The following LNX2 variants were observed in gnomAD, a reference collection of about 807,000 sequenced individuals.
LNX2 encodes the protein ligand of numb-protein X 2, also known as ligand of Numb protein X 2.
Under a neutral mutation model 66.2 loss-of-function variants are expected in LNX2, and 35 were observed. The observed-to-expected ratio is 0.53, with a 90% confidence interval of 0.40 to 0.70. The LOEUF (loss-of-function observed/expected upper bound fraction) is 0.70, where lower values mean the gene tolerates loss of function less well. Ranked by LOEUF, LNX2 falls within the 30% of genes least tolerant of loss-of-function variation. The probability of loss-of-function intolerance (pLI) is 0.00; values close to 1 mark genes in which losing one functional copy is unlikely to be tolerated. For missense variants in LNX2, 791 were observed against 850.8 expected (o/e 0.93, Z 0.87); for synonymous variants, 337 against 315.6 (o/e 1.07, Z -0.72).
chr13:27,605,493 G>A (rs1300952643), intron 1 of LNX2, among the ~76,000 whole-genome samples: 1 of 152,098 alleles, frequency 6.6e-6, no homozygotes, highest in African/African-American at 2.4e-5. Context: ...GTCCTTTTCC[G>A]CAAGAAGAAA....
chr13:27,577,485 GGAA>G (rs1955352383), intron 2 of LNX2, among the ~76,000 whole-genome samples: 1 of 151,870 alleles, frequency 6.6e-6, no homozygotes, highest in African/African-American at 2.4e-5. Context: ...GGGCCACACG[GGAA>G]GAAGAATAAT....
At position 27,553,447 on chromosome 13, in the gene LNX2, G is replaced by A. The variant is rs1955027624; in HGVS notation, c.1547-8C>T. 7.5e-6 allele frequency: 12 copies of A among 1,606,232 alleles called. No individual in the cohort carries two copies. Among genetic ancestry groups the A allele is most frequent in the Non-Finnish European group, 1.0e-5 (12 of 1,173,000 alleles). On this transcript the variant is annotated splice_polypyrimidine_tract_variant and splice_region_variant and intron_variant, in intron 7 of 9. Coordinates refer to ENST00000316334, the MANE Select transcript of LNX2 (RefSeq NM_153371.4). Reference sequence around the variant, plus strand: ...TATTTAGCAACACATCACCTGTTCAGATGAAGAAACAAGAAAAATGAGCTG... The same window carrying A: ...TATTTAGCAACACATCACCTGTTCAAATGAAGAAACAAGAAAAATGAGCTG...
chr13:27,580,650 CTAAA>C (rs1317810803), intron 2 of LNX2, among the ~76,000 whole-genome samples: 3 of 152,178 alleles, frequency 2.0e-5, no homozygotes, highest in East Asian at 1.9e-4. Context: ...GAAATCCCCA[CTAAA>C]TATTTAGTTT....
In LNX2 at chr13:27,556,259, G is replaced by C; in HGVS notation, c.1523C>G (p.Ala508Gly). The part of the protein sequence containing the change: ...VTSVPPHGCL[A>G]RDGRIKRGDV... ...ACCTCTCTTTATTCTGCCATCTCGT[G>C]CAAGGCAGCCATGGGGTGGCACACT... The change falls in exon 7 of 10, where the codon GCA becomes GGA. Residue 508 changes from alanine (A) to glycine (G), a missense_variant. Physicochemically the swap from Ala to Gly is moderately conservative, Grantham distance 60. Coordinates refer to ENST00000316334, the MANE Select transcript of LNX2 (RefSeq NM_153371.4). 6.2e-7 allele frequency: 1 copy of C among 1,613,888 alleles called. No homozygotes were observed.
intron 2 of LNX2, among the ~76,000 whole-genome samples, chr13:27,578,446 C>G (rs936922526): frequency 6.6e-6 from 1 of 152,172 alleles, no homozygotes; most frequent in Non-Finnish European, 1.5e-5. Context: ...TAACATCATT[C>G]TTCTTGCTAG....
chr13:27,606,865 C>T (rs1955722538), intron 1 of LNX2, among the ~76,000 whole-genome samples: 1 of 152,074 alleles, frequency 6.6e-6, no homozygotes, highest in Non-Finnish European at 1.5e-5. Context: ...AAGATTGGTT[C>T]TTATATACAT....
rs556292543 is a variant in LNX2 at position 27,598,395 on chromosome 13, G to T, written c.-100-16592C>A. ...GGATTTTTGTTATTAAACAAAAGGGGATGAGACCGATGTCACAAAATCATA... is the reference window on the plus strand; with the variant it reads ...GGATTTTTGTTATTAAACAAAAGGGTATGAGACCGATGTCACAAAATCATA... On this transcript the variant is annotated intron_variant, in intron 1 of 9. Transcript: ENST00000316334. Among the ~76,000 whole-genome samples the T allele has an allele frequency of 2.0e-5, 3 of 152,140 alleles. No homozygotes were observed. In the South Asian group the frequency reaches 6.2e-4, roughly 32 times the overall value.
intron 1 of LNX2, among the ~76,000 whole-genome samples, chr13:27,600,689 T>A (rs73446897): frequency 0.022 from 3,387 of 152,290 alleles, 135 homozygotes; most frequent in African/African-American, 0.077. Flanking sequence ...ATTCTCAGGC[T>A]TCATGTGGCA....
upstream of LNX2, chr13:27,620,791 C>T (rs1955897624): frequency 6.5e-6 from 1 of 153,786 alleles, no homozygotes; most frequent in Admixed American, 6.5e-5. Flanking sequence ...GCTGTCCCCG[C>T]CGCCCGCCTG....
intron 2 of LNX2, among the ~76,000 whole-genome samples, chr13:27,573,083 G>A (rs1016676243): frequency 3.3e-5 from 5 of 152,140 alleles, no homozygotes; most frequent in Admixed American, 2.6e-4. Context: ...GAGAACATTT[G>A]TTCAAGAAAA....
chr13:27,601,681 A>T (rs570774604), intron 1 of LNX2, among the ~76,000 whole-genome samples: 17 of 152,228 alleles, frequency 1.1e-4, no homozygotes, highest in South Asian at 2.1e-4. Context: ...TTTCCCAAAA[A>T]TTTTTTAAAA....
At chr13:27,552,844 G>C (rs1313229563) in intron 8 of LNX2, among the ~76,000 whole-genome samples, 1 of 152,200 alleles carries the variant, frequency 6.6e-6, no homozygotes, top group Admixed American at 6.5e-5. Flanking sequence ...CTTCTGGGAT[G>C]GGGGGAAGCC....
intron 1 of LNX2, among the ~76,000 whole-genome samples, chr13:27,619,714 A>G (rs1229475089): frequency 1.3e-5 from 2 of 152,242 alleles, no homozygotes; most frequent in African/African-American, 2.4e-5. Flanking sequence ...ACATGAGTCA[A>G]AAGTCCTTGT....
chr13:27,557,398 C>T (rs973207698), intron 6 of LNX2, among the ~76,000 whole-genome samples: 16 of 151,996 alleles, frequency 1.1e-4, no homozygotes, highest in African/African-American at 3.6e-4. Context: ...TATATTAATA[C>T]AAATAGTATT....
At chr13:27,605,173 C>T (rs973300487) in intron 1 of LNX2, among the ~76,000 whole-genome samples, 2 of 152,036 alleles carry the variant, frequency 1.3e-5, no homozygotes, top group East Asian at 3.9e-4. Context: ...AATTAAACAA[C>T]GAAGAAGTTG....
chr13:27,556,450 T>A, intron 6 of LNX2, 37 bp from the exon 7 acceptor site: 1 of 1,553,390 alleles, frequency 6.4e-7, no homozygotes, highest in Non-Finnish European at 8.8e-7. Context: ...GGATAATGAA[T>A]AAAATATAGT....
At chr13:27,615,663 C>T (rs1012072390) in intron 1 of LNX2, among the ~76,000 whole-genome samples, 3 of 152,134 alleles carry the variant, frequency 2.0e-5, no homozygotes, top group African/African-American at 7.2e-5. Flanking sequence ...ACACTTAGCG[C>T]TTTGCAGATT....
At chr13:27,599,851 T>C (rs575082565) in intron 1 of LNX2, among the ~76,000 whole-genome samples, 1 of 152,310 alleles carries the variant, frequency 6.6e-6, no homozygotes, top group African/African-American at 2.4e-5. Context: ...TTTAAACTTG[T>C]GGGTCTTGGT....
chr13:27,613,290 G>C (rs1175544870), intron 1 of LNX2, among the ~76,000 whole-genome samples: 1 of 151,722 alleles, frequency 6.6e-6, no homozygotes, highest in Non-Finnish European at 1.5e-5. Context: ...GGGAGGGTGA[G>C]GTGGAACAGA....
Sources: allele counts gnomAD v4.1 joint callset (sites outside exome capture counted in the v4.1 genomes callset), GRCh38; gene constraint gnomAD v4.1.1; transcripts MANE v1.5; gene names NCBI Gene and HGNC (gene_info 2026-07-23, HGNC 2026-07-21).